The following PLA2G6 variants were observed in gnomAD, a reference collection of about 807,000 sequenced individuals.
The protein encoded by PLA2G6 is phospholipase A2 group VI, also known as 85/88 kDa calcium-independent phospholipase A2.
Under a neutral mutation model 83.8 loss-of-function variants are expected in PLA2G6, and 62 were observed. The observed-to-expected ratio is 0.74, with a 90% confidence interval of 0.60 to 0.91. PLA2G6 has a LOEUF of 0.91. PLA2G6 is among the 40% of genes least tolerant of loss of function. The pLI is 0.00. For missense variants in PLA2G6, 944 were observed against 1,102.0 expected (o/e 0.86, Z 2.03); for synonymous variants, 417 against 449.8 (o/e 0.93, Z 0.92).
chr22:38,113,424 G>A, intron 15 of PLA2G6, 63 bp downstream of exon 15: 1 of 1,513,082 alleles, frequency 6.6e-7, no homozygotes, highest in Non-Finnish European at 9.2e-7. Context: ...AGGATGAGGG[G>A]AAGCCATCGA....
At chr22:38,146,358 T>TA (rs1284223715) in intron 2 of PLA2G6, 3 of 148,964 alleles carry the variant, frequency 2.0e-5, no homozygotes, top group African/African-American at 7.5e-5. Flanking sequence ...AATTTTTTTT[T>TA]ATTTTTGTTG....
Position 38,132,706 on chromosome 22 carries a change from TG to T in PLA2G6, c.1077+124del. 1 of 885,244 alleles carries T rather than the reference TG, an allele frequency of 1.1e-6. No individual in the cohort carries two copies. The highest frequency in any genetic ancestry group is 1.7e-6 in the Non-Finnish European group (1 of 574,758). 54.8% of individuals were successfully genotyped at this position (885,244 alleles called of 1,614,324 possible). The stretch of plus-strand genomic sequence containing the variant: ...GTCAGGGTCTGAACTGAGCTTTGGG[TG>T]GGAAGATGATTTGGAGCAGCTGACG... On this transcript the variant is annotated intron_variant, in intron 7 of 16. Transcript: ENST00000332509. The surrounding 1 kb of genome is among the most constrained non-coding windows in gnomAD (Gnocchi z 5.0).
rs889428837 is a variant in PLA2G6, at chr22:38,111,852, G to A, written c.*309C>T. 9.3e-6 allele frequency: 4 copies of A among 428,492 alleles called. No individual in the cohort carries two copies. The highest frequency in any genetic ancestry group is 1.8e-5 in the Non-Finnish European group (4 of 227,410). 26.5% of individuals were successfully genotyped at this position (428,492 alleles called of 1,614,324 possible). On this transcript the variant is annotated 3_prime_UTR_variant, in exon 17 of 17. Coordinates refer to ENST00000332509, the MANE Select transcript of PLA2G6 (RefSeq NM_003560.4). ...GGCTGGGGCTGGGGGCAGGGGTACG[G>A]TTGTGCCCGGGTACCCTTAATGTTT...
At chr22:38,154,314 C>T (rs1428670019) in intron 2 of PLA2G6, among the ~76,000 whole-genome samples, 1 of 152,210 alleles carries the variant, frequency 6.6e-6, no homozygotes, top group Non-Finnish European at 1.5e-5. Context: ...GCTGTGCTGG[C>T]TTCAGGTCTG....
chr22:38,123,897 G>A lies in PLA2G6; in HGVS notation c.1428-639C>T, dbSNP rs1291754760. Among the ~76,000 whole-genome samples the A allele has an allele frequency of 2.6e-5, 4 of 152,132 alleles. No homozygotes were observed. The highest frequency in any genetic ancestry group is 4.8e-5 in the African/African-American group (2 of 41,436). On this transcript the variant is annotated intron_variant, in intron 10 of 16. Coordinates refer to ENST00000332509, the MANE Select transcript of PLA2G6 (RefSeq NM_003560.4). This position sits in a 1 kb window ranked among gnomAD's most constrained non-coding sequence, Gnocchi z 4.1. ...GTTGCCCAGGCTGGAGTGCAATAAC[G>A]CGATCTCGGCTCACCGCAACCTCTG...
intron 2 of PLA2G6, chr22:38,147,221 G>T (rs981052978): frequency 6.6e-6 from 1 of 152,636 alleles, no homozygotes; most frequent in African/African-American, 2.4e-5. Context: ...ACCTCCCAGA[G>T]GTGCTGTGAG....
intron 12 of PLA2G6, 80 bp from the exon 13 acceptor site, chr22:38,116,291 G>C: frequency 8.8e-6 from 13 of 1,483,044 alleles, no homozygotes; most frequent in East Asian, 2.3e-5. Context: ...ACACCCCAGG[G>C]CCTTGGGTAG....
chr22:38,117,233 G>A (rs1369090504), intron 12 of PLA2G6, among the ~76,000 whole-genome samples: 1 of 152,196 alleles, frequency 6.6e-6, no homozygotes, highest in Non-Finnish European at 1.5e-5. Flanking sequence ...TTGAGACGGA[G>A]TCTCACTCTG....
At chr22:38,141,193 CAA>C (rs56391117) in intron 4 of PLA2G6, 2 of 121,812 alleles carry the variant, frequency 1.6e-5, no homozygotes, top group Non-Finnish European at 1.7e-5. Context: ...GACTCCGTCT[CAA>C]AAAAAAAAAA....
intron 2 of PLA2G6, among the ~76,000 whole-genome samples, chr22:38,156,773 AATCAT>A (rs1487660007): frequency 6.6e-6 from 1 of 152,142 alleles, no homozygotes; most frequent in African/African-American, 2.4e-5. Flanking sequence ...TTAAATTTGA[AATCAT>A]ATCAAGTATC....
chr22:38,143,471 C>G (rs2089047407), intron 3 of PLA2G6, 183 bp from the exon 4 acceptor site: 2 of 688,370 alleles, frequency 2.9e-6, no homozygotes, highest in Non-Finnish European at 5.3e-6. Context: ...CTGATGTGAC[C>G]TGTATCAGGT....
chr22:38,115,466 G>A, intron 14 of PLA2G6, 61 bp downstream of exon 14: 1 of 1,528,468 alleles, frequency 6.5e-7, no homozygotes. Flanking sequence ...AGCATGGTTT[G>A]CTGACACAGG....
In PLA2G6 at chr22:38,116,014, C is replaced by T. The variant is rs1195081982; in HGVS notation, c.1879+61G>A. On this transcript the variant is annotated intron_variant, in intron 13 of 16. Coordinates refer to ENST00000332509, the MANE Select transcript of PLA2G6 (RefSeq NM_003560.4). Reference sequence around the variant, plus strand: ...TGATGGCAAGTGCACGACTCCCACCCACCACCCCACAGCCTCTCGGGCCAG... The same window carrying T: ...TGATGGCAAGTGCACGACTCCCACCTACCACCCCACAGCCTCTCGGGCCAG... The T allele has an allele frequency of 1.9e-5, 30 of 1,592,568 alleles. No individual in the cohort carries two copies. In the East Asian group the frequency reaches 6.0e-4, roughly 32 times the overall value.
At chr22:38,177,947 A>C (rs1466261714) in intron 1 of PLA2G6, among the ~76,000 whole-genome samples, 3 of 152,344 alleles carry the variant, frequency 2.0e-5, no homozygotes, top group Non-Finnish European at 4.4e-5. Context: ...AAGGTGGCTG[A>C]GCGAGGCTTG....
intron 2 of PLA2G6, among the ~76,000 whole-genome samples, chr22:38,160,674 G>A (rs1037882693): frequency 6.6e-6 from 1 of 152,098 alleles, no homozygotes; most frequent in African/African-American, 2.4e-5. Flanking sequence ...GTGAAACCTC[G>A]TCTCTACTAA....
intron 2 of PLA2G6, chr22:38,149,595 T>C (rs2089456226): frequency 6.6e-6 from 1 of 152,126 alleles, no homozygotes; most frequent in African/African-American, 2.4e-5. Flanking sequence ...AAGAATCAAA[T>C]GGAAGCTACA....
intron 12 of PLA2G6, among the ~76,000 whole-genome samples, chr22:38,118,448 G>A (rs1317701071): frequency 2.0e-5 from 3 of 152,160 alleles, no homozygotes; most frequent in African/African-American, 7.2e-5. Context: ...ACAGAATCCT[G>A]GTCCAAATCA....
chr22:38,149,336 A>G (rs970396097), intron 2 of PLA2G6: 8 of 152,256 alleles, frequency 5.3e-5, no homozygotes, highest in Non-Finnish European at 1.2e-4. Context: ...AATAGACTTT[A>G]AAGTAACTGT....
chr22:38,169,242 G>A lies in PLA2G6; in HGVS notation c.185C>T (p.Pro62Leu), dbSNP rs377025797. Reference protein sequence around the residue: ...NRTWDCVLVNPRNSQSGFRLF... With the variant: ...NRTWDCVLVNLRNSQSGFRLF... Reference sequence around the variant, plus strand: ...CCGGAATCCACTCTGTGAGTTCCTGGGGTTGACCAGGACGCAGTCCCAGGT... The same window carrying A: ...CCGGAATCCACTCTGTGAGTTCCTGAGGTTGACCAGGACGCAGTCCCAGGT... The change falls in exon 2 of 17, where the codon CCC (proline) becomes CTC (leucine). Residue 62 changes from proline to leucine, a missense_variant. By Grantham distance (98) the Pro-to-Leu change is moderately conservative. Coordinates refer to ENST00000332509, the MANE Select transcript of PLA2G6 (RefSeq NM_003560.4). 2.0e-5 allele frequency: 33 copies of A among 1,613,910 alleles called. No homozygotes were observed. In the African/African-American group the frequency reaches 3.6e-4, roughly 18 times the overall value.
Sources: gnomAD v4.1 joint callset for allele counts (sites outside exome capture counted in the v4.1 genomes callset) on GRCh38, gnomAD v4.1.1 for gene constraint, Gnocchi (gnomAD v3.1) non-coding constraint, MANE v1.5 for transcripts, NCBI Gene and HGNC (gene_info 2026-07-23, HGNC 2026-07-21) for gene names.